Variants in ZZEF1 observed in about 807,000 individuals in gnomAD.
ZZEF1 encodes zinc finger ZZ-type and EF-hand domain containing 1.
A neutral mutation model predicts 342.8 loss-of-function variants in ZZEF1; 157 were observed. That is an observed-to-expected ratio of 0.46 (90% CI 0.40 to 0.52). ZZEF1 has a LOEUF of 0.52. ZZEF1 is among the 20% of genes least tolerant of loss of function. The pLI, the probability that ZZEF1 is intolerant of heterozygous loss-of-function variation, is 0.00. For synonymous variants in ZZEF1, 1,505 were observed against 1,429.1 expected (o/e 1.05, Z -1.20); for missense variants, 3,480 against 3,725.6 (o/e 0.93, Z 1.72).
intron 1 of ZZEF1, among the ~76,000 whole-genome samples, chr17:4,130,773 C>T (rs1037759239): frequency 3.9e-5 from 6 of 152,140 alleles, no homozygotes; most frequent in African/African-American, 1.4e-4. Context: ...ATCATTTCCC[C>T]AAACTGAAGG....
intron 11 of ZZEF1, among the ~76,000 whole-genome samples, chr17:4,093,231 G>A (rs1489353139): frequency 2.0e-5 from 3 of 152,208 alleles, no homozygotes; most frequent in African/African-American, 7.2e-5. Context: ...GGACATAGCT[G>A]CCTAAAACCC....
intron 43 of ZZEF1, among the ~76,000 whole-genome samples, chr17:4,024,356 C>T (rs1041219476): frequency 3.3e-5 from 5 of 151,986 alleles, no homozygotes; most frequent in Admixed American, 3.3e-4. Flanking sequence ...TACCACCACA[C>T]CTGGCTAATT....
At chr17:4,067,077 T>G in intron 27 of ZZEF1, 86 bp downstream of exon 27, 1 of 1,148,340 alleles carries the variant, frequency 8.7e-7, no homozygotes, top group Non-Finnish European at 1.3e-6. Context: ...GCTATATTCT[T>G]GAGAAGAGAA....
intron 42 of ZZEF1, 56 bp downstream of exon 42, chr17:4,032,070 C>A: frequency 1.3e-6 from 2 of 1,573,344 alleles, no homozygotes; most frequent in South Asian, 1.2e-5. Context: ...TTTTAGGGTA[C>A]GGAGGGATTA....
intron 1 of ZZEF1, among the ~76,000 whole-genome samples, chr17:4,132,769 A>G (rs576090338): frequency 2.6e-4 from 30 of 116,284 alleles, no homozygotes; most frequent in Admixed American, 8.1e-4. Flanking sequence ...GATCAAGACC[A>G]TCCTGGCTAA....
intron 39 of ZZEF1, among the ~76,000 whole-genome samples, chr17:4,039,745 G>A (rs867602876): frequency 7.1e-4 from 104 of 146,406 alleles, no homozygotes; most frequent in African/African-American, 2.5e-3. Context: ...CCGGGTTCAC[G>A]CCATTCTCCT....
At chr17:4,137,968 G>T (rs1213213981) in intron 1 of ZZEF1, among the ~76,000 whole-genome samples, 3 of 151,574 alleles carry the variant, frequency 2.0e-5, no homozygotes, top group African/African-American at 7.3e-5. Flanking sequence ...TGTCCCACTA[G>T]CCAGCACAGG....
intron 39 of ZZEF1, among the ~76,000 whole-genome samples, chr17:4,038,921 G>T (rs1166314538): frequency 1.3e-5 from 2 of 152,110 alleles, no homozygotes; most frequent in Non-Finnish European, 2.9e-5. Flanking sequence ...CTAACCTATG[G>T]TGACAGAGGT....
chr17:4,115,656 C>G (rs2058382370), intron 3 of ZZEF1, among the ~76,000 whole-genome samples: 1 of 152,068 alleles, frequency 6.6e-6, no homozygotes, highest in Non-Finnish European at 1.5e-5. Context: ...GAGTAAGACT[C>G]CGTCGCAAAT....
intron 7 of ZZEF1, 49 bp from the exon 8 acceptor site, chr17:4,104,860 T>C (rs936702406): frequency 1.3e-6 from 2 of 1,552,548 alleles, no homozygotes; most frequent in Non-Finnish European, 1.8e-6. Context: ...CATGAAAAAA[T>C]CCAGGTAGCT....
Position 4,067,120 on chromosome 17 carries a change from A to G in ZZEF1, c.4155+43T>C, listed in dbSNP as rs775659069. The G allele has an allele frequency of 2.0e-6, 3 of 1,538,434 alleles. No individual in the cohort carries two copies. The Admixed American group carries it at 5.2e-5, about 27-fold the overall frequency. On this transcript the variant is annotated intron_variant, in intron 27 of 54. Transcript: ENST00000381638. ...TCTTAATTCCATGATATCACGGTAG[A>G]AAACCTAAAATATAGCAAAATCACA...
At chr17:4,117,267 C>A (rs1390239639) in intron 2 of ZZEF1, 101 bp from the exon 3 acceptor site, 3 of 826,144 alleles carry the variant, frequency 3.6e-6, no homozygotes, top group East Asian at 2.7e-5. Context: ...TAAAAGCAGT[C>A]ATTAACAATC....
rs1460224590 is a variant in ZZEF1, at chr17:4,022,689, G to A, written c.7212+20C>T. On this transcript the variant is annotated intron_variant, in intron 44 of 54. Transcript: ENST00000381638. ...CATCTGCACCAGGAAAGAGGAGCAG[G>A]AGTCCCTCTCGTCTCTTACTTCCAG... The A allele has an allele frequency of 6.2e-7, 1 of 1,613,326 alleles. No individual in the cohort carries two copies. The highest frequency in any genetic ancestry group is 1.7e-5 in the Admixed American group (1 of 59,966).
In ZZEF1 at chr17:4,019,755, G is replaced by A. The variant is rs1174344369; in HGVS notation, c.7419C>T (p.Ala2473=). 6.2e-7 allele frequency: 1 copy of A among 1,609,936 alleles called. No individual in the cohort carries two copies. Among genetic ancestry groups the A allele is most frequent in the Non-Finnish European group, 8.5e-7 (1 of 1,178,960 alleles). Residue 2473 remains alanine, a synonymous_variant, in exon 46 of 55, where the codon GCC becomes GCT. Coordinates refer to ENST00000381638, the MANE Select transcript of ZZEF1 (RefSeq NM_015113.4). ...GGAGAATGTGCAGAGGGGCATTGAG[G>A]GCATCATGAGCCATCTGGAGGCCAG... is the stretch of plus-strand genomic sequence containing the variant. The part of the protein sequence containing the change: ...TRICFLMAHD[A]LNAPLHILRA...
chr17:4,020,871 T>A (rs771512860), intron 45 of ZZEF1, among the ~76,000 whole-genome samples: 3 of 152,238 alleles, frequency 2.0e-5, no homozygotes, highest in Non-Finnish European at 2.9e-5. Flanking sequence ...TTTACATACA[T>A]GTTTGAATGT....
At chr17:4,117,717 C>T (rs543579843) in intron 2 of ZZEF1, among the ~76,000 whole-genome samples, 2 of 144,738 alleles carry the variant, frequency 1.4e-5, no homozygotes, top group African/African-American at 5.2e-5. Flanking sequence ...CTTAGAATAA[C>T]GATTTTTTGT....
chr17:4,096,141 G>A lies in ZZEF1; in HGVS notation c.1765-162C>T, dbSNP rs75716132. On this transcript the variant is annotated intron_variant, in intron 10 of 54. Coordinates refer to ENST00000381638, the MANE Select transcript of ZZEF1 (RefSeq NM_015113.4). ...AAAAAATAAGAAAGCTGTTTCCCAAGAAATGTTCCTTAACTTTCTCAATCC... is the reference window on the plus strand; with the variant it reads ...AAAAAATAAGAAAGCTGTTTCCCAAAAAATGTTCCTTAACTTTCTCAATCC... 5.3e-3 allele frequency among the ~76,000 whole-genome samples: 800 copies of A among 152,276 alleles called. 10 individuals are homozygous for A. The highest frequency in any genetic ancestry group is 0.018 in the African/African-American group (766 of 41,548).
chr17:4,131,807 C>G (rs1001162531), intron 1 of ZZEF1, among the ~76,000 whole-genome samples: 1 of 151,864 alleles, frequency 6.6e-6, no homozygotes, highest in African/African-American at 2.4e-5. Flanking sequence ...AAACATGGTA[C>G]TATATGGCAC....
At chr17:4,087,783 A>ACACACACACAC (rs58500122) in intron 13 of ZZEF1, among the ~76,000 whole-genome samples, 1 of 145,990 alleles carries the variant, frequency 6.8e-6, no homozygotes, top group Admixed American at 6.8e-5. Flanking sequence ...ATATACACAC[A>ACACACACACAC]ACACACACAC....
Sources: allele counts gnomAD v4.1 joint callset (sites outside exome capture counted in the v4.1 genomes callset), GRCh38; gene constraint gnomAD v4.1.1; transcripts MANE v1.5; gene names NCBI Gene and HGNC (gene_info 2026-07-23, HGNC 2026-07-21).